Variants in EYS observed in about 807,000 individuals in gnomAD.
EYS encodes the protein EGF-like photoreceptor maintenance factor.
EYS carries 250 observed loss-of-function variants against 282.1 expected under a neutral mutation model. That is an observed-to-expected ratio of 0.89 (90% confidence interval 0.80 to 0.98). The LOEUF is 0.98. Among genes scored for constraint, EYS ranks in the 50% least tolerant of loss-of-function variants. The pLI, the probability that EYS is intolerant of heterozygous loss-of-function variation, is 0.00. For synonymous variants in EYS, 1,355 were observed against 1,282.9 expected (o/e 1.06, Z -1.20); for missense variants, 4,016 against 3,709.0 (o/e 1.08, Z -2.15).
At chr6:64,581,925 G>C (rs529689541) in intron 26 of EYS, among the ~76,000 whole-genome samples, 2 of 152,294 alleles carry the variant, frequency 1.3e-5, no homozygotes, top group Non-Finnish European at 1.5e-5. Flanking sequence ...ATAGGATTAA[G>C]TAGGTCTGAA....
At chr6:64,226,490 T>C (rs1235799023) in intron 31 of EYS, among the ~76,000 whole-genome samples, 1 of 152,096 alleles carries the variant, frequency 6.6e-6, no homozygotes, top group East Asian at 1.9e-4. Context: ...TAATTAATAG[T>C]CAGAGGCATA....
At chr6:64,789,689 C>T (rs2149999361) in intron 22 of EYS, among the ~76,000 whole-genome samples, 1 of 152,150 alleles carries the variant, frequency 6.6e-6, no homozygotes, top group South Asian at 2.1e-4. Context: ...ACACCACTTC[C>T]TGTGCTCTAA....
intron 12 of EYS, among the ~76,000 whole-genome samples, chr6:65,147,011 T>G (rs756541217): frequency 6.6e-6 from 1 of 152,038 alleles, no homozygotes; most frequent in Non-Finnish European, 1.5e-5. Flanking sequence ...TTTTGTTGCT[T>G]TGTATATATT....
intron 31 of EYS, among the ~76,000 whole-genome samples, chr6:64,095,383 T>G (rs539046643): frequency 1.1e-4 from 16 of 152,046 alleles, no homozygotes; most frequent in South Asian, 4.2e-4. Flanking sequence ...TATTGTGTGG[T>G]AGTCTAAGTC....
chr6:65,520,065 A>G (rs1204837892), intron 2 of EYS, among the ~76,000 whole-genome samples: 2 of 151,896 alleles, frequency 1.3e-5, no homozygotes, highest in Non-Finnish European at 2.9e-5. Flanking sequence ...AACTTTTCAA[A>G]TATGCACAAC....
chr6:64,513,940 C>T (rs375463935), intron 26 of EYS, among the ~76,000 whole-genome samples: 3 of 151,896 alleles, frequency 2.0e-5, no homozygotes, highest in East Asian at 3.9e-4. Context: ...CACTGCTGTA[C>T]TATGGAAAGA....
At chr6:64,799,200 T>C (rs762782315) in intron 22 of EYS, among the ~76,000 whole-genome samples, 28 of 151,828 alleles carry the variant, frequency 1.8e-4, no homozygotes, top group Admixed American at 7.9e-4. Context: ...CTCTACTACT[T>C]TTTTTTAATT....
intron 7 of EYS, among the ~76,000 whole-genome samples, chr6:65,401,349 A>C (rs745761275): frequency 1.3e-5 from 2 of 148,756 alleles, no homozygotes; most frequent in Non-Finnish European, 3.0e-5. Context: ...AGAGTTAGCA[A>C]TTTTTTTTTA....
rs1768632571 is a variant in EYS, at chr6:63,726,791, C to T, written c.8072-111G>A. The T allele has an allele frequency of 3.0e-6, 3 of 987,800 alleles. No homozygotes were observed. The South Asian group carries it at 4.7e-5, about 15-fold the overall frequency. 61.2% of individuals were successfully genotyped at this position (987,800 alleles called of 1,614,324 possible). A position where few individuals can be genotyped will look rare whatever the true frequency, so the allele number is the denominator to read the frequency against. On this transcript the variant is annotated intron_variant, in intron 41 of 42. Coordinates refer to ENST00000503581, the MANE Select transcript of EYS (RefSeq NM_001142800.2). Reference sequence around the variant, plus strand: ...ATTTTGTAATTTCAGGATTTATCGCCCAAGAGTTGCTTGTAGGTGAGTACA... The same window carrying T: ...ATTTTGTAATTTCAGGATTTATCGCTCAAGAGTTGCTTGTAGGTGAGTACA...
intron 5 of EYS, among the ~76,000 whole-genome samples, chr6:65,469,402 T>C (rs1765125888): frequency 2.0e-5 from 3 of 152,090 alleles, no homozygotes; most frequent in African/African-American, 4.8e-5. Flanking sequence ...ATATTTTCAG[T>C]CTGGTAAATA....
chr6:65,484,635 C>A (rs1446070767), intron 5 of EYS, among the ~76,000 whole-genome samples: 3 of 152,136 alleles, frequency 2.0e-5, no homozygotes, highest in African/African-American at 2.4e-5. Context: ...ACTCTTCCAG[C>A]ACAATGTTTC....
chr6:64,513,290 G>A (rs993492845), intron 26 of EYS, among the ~76,000 whole-genome samples: 1 of 151,760 alleles, frequency 6.6e-6, no homozygotes, highest in Non-Finnish European at 1.5e-5. Context: ...TTTATAAATT[G>A]GCAAAAGTGT....
intron 7 of EYS, among the ~76,000 whole-genome samples, chr6:65,388,720 C>T (rs530794271): frequency 1.3e-5 from 2 of 152,068 alleles, no homozygotes; most frequent in South Asian, 4.2e-4. Context: ...TTTATTAATG[C>T]ACGGGAACCC....
chr6:65,429,949 A>C (rs1767818366), intron 5 of EYS, among the ~76,000 whole-genome samples: 2 of 152,160 alleles, frequency 1.3e-5, no homozygotes, highest in Non-Finnish European at 2.9e-5. Context: ...CTTTACATGG[A>C]TAGCTGTTTT....
Position 65,655,935 on chromosome 6 carries a change from G to A in EYS, c.-447-16043C>T, listed in dbSNP as rs149542437. 3.4e-3 allele frequency among the ~76,000 whole-genome samples: 519 copies of A among 151,952 alleles called. 3 individuals carry two copies. Among genetic ancestry groups the A allele is most frequent in the South Asian group, 0.025 (122 of 4,824 alleles). ...CTCTAATTTTGAAAGAAGTACATTGGTGTCATTTTTCCAACACCATGTGCT... is the reference window on the plus strand; with the variant it reads ...CTCTAATTTTGAAAGAAGTACATTGATGTCATTTTTCCAACACCATGTGCT... On this transcript the variant is annotated intron_variant, in intron 1 of 42. Coordinates refer to ENST00000503581, the MANE Select transcript of EYS (RefSeq NM_001142800.2).
In EYS at chr6:65,346,890, A is replaced by G. The variant is rs189315039; in HGVS notation, c.1460-2713T>C. On this transcript the variant is annotated intron_variant, in intron 9 of 42. Transcript: ENST00000503581. ...TTGTCTACTATACACATGATTCTAC[A>G]CTGCTGCATGCCTTTCTTTCACCTT... Among the ~76,000 whole-genome samples the G allele has an allele frequency of 4.3e-3, 656 of 152,004 alleles. 6 individuals are homozygous for G. Among genetic ancestry groups the G allele is most frequent in the African/African-American group, 0.015 (613 of 41,540 alleles).
intron 12 of EYS, among the ~76,000 whole-genome samples, chr6:65,270,450 G>T (rs1767867635): frequency 6.6e-6 from 1 of 152,134 alleles, no homozygotes; most frequent in Non-Finnish European, 1.5e-5. Context: ...AAGGCCATTT[G>T]TACTGTTGAA....
chr6:65,242,680 T>A (rs1183023518), intron 12 of EYS, among the ~76,000 whole-genome samples: 1 of 152,176 alleles, frequency 6.6e-6, no homozygotes, highest in Non-Finnish European at 1.5e-5. Flanking sequence ...ATTTAACATT[T>A]TGAGGACTTG....
At chr6:64,766,732 G>A (rs1389056779) in intron 22 of EYS, among the ~76,000 whole-genome samples, 12 of 129,338 alleles carry the variant, frequency 9.3e-5, no homozygotes, top group Admixed American at 4.3e-4. Context: ...AAACAAATAC[G>A]AGATGATTTC....
Sources: allele counts gnomAD v4.1 joint callset (sites outside exome capture counted in the v4.1 genomes callset), GRCh38; gene constraint gnomAD v4.1.1; transcripts MANE v1.5; gene names NCBI Gene and HGNC (gene_info 2026-07-23, HGNC 2026-07-21).